Variants in SGSM2 observed in about 807,000 individuals in gnomAD.
SGSM2 encodes the protein small G protein signaling modulator 2.
A neutral mutation model predicts 126.6 loss-of-function variants in SGSM2; 89 were observed. The observed-to-expected ratio is 0.70, with a 90% CI of 0.59 to 0.84. SGSM2 has a LOEUF of 0.84. Ranked by LOEUF, SGSM2 falls within the 40% of genes least tolerant of loss-of-function variation. The probability of loss-of-function intolerance (pLI) is 0.00; values close to 1 mark genes in which losing one functional copy is unlikely to be tolerated. For synonymous variants in SGSM2, 614 were observed against 574.3 expected (o/e 1.07, Z -0.99); for missense variants, 1,404 against 1,416.6 (o/e 0.99, Z 0.14).
intron 19 of SGSM2, 154 bp from the exon 20 acceptor site, chr17:2,376,579 C>A: frequency 1.2e-6 from 1 of 852,428 alleles, no homozygotes; most frequent in South Asian, 1.6e-5. Context: ...GGTTGTTCCC[C>A]GTTGTCTCCC....
chr17:2,373,565 T>G lies in SGSM2; in HGVS notation c.2100+52T>G, dbSNP rs775925699. 5.3e-6 allele frequency: 8 copies of G among 1,510,822 alleles called. No individual in the cohort carries two copies. In the Admixed American group the frequency reaches 1.5e-4, roughly 28 times the overall value. 93.6% of individuals were successfully genotyped at this position (1,510,822 alleles called of 1,614,324 possible). On this transcript the variant is annotated intron_variant, in intron 17 of 23. Transcript: ENST00000268989. Reference sequence around the variant, plus strand: ...GGGGGTCTCGGGGGCCACCCGCGTTTTATGCACAGTGGTCCTGAGCACCAG... The same window carrying G: ...GGGGGTCTCGGGGGCCACCCGCGTTGTATGCACAGTGGTCCTGAGCACCAG...
chr17:2,370,876 C>G (rs372430296), intron 12 of SGSM2, among the ~76,000 whole-genome samples: 4 of 152,016 alleles, frequency 2.6e-5, no homozygotes, highest in East Asian at 1.9e-4. Flanking sequence ...GAGCTGAATC[C>G]GTGAAGGCTG....
Position 2,379,675 on chromosome 17 carries a change from A to C in SGSM2, c.*155A>C. The C allele has an allele frequency of 6.9e-7, 1 of 1,441,588 alleles. No homozygotes were observed. The allele number at this position is 1,441,588 out of a possible 1,614,324, so 89.3% of individuals were successfully genotyped here. ...CTGGATCCGACTCCCGGCAGTGCTG[A>C]CCCTGCAGGGCAAGTCAGGGGCCAG... On this transcript the variant is annotated 3_prime_UTR_variant, in exon 24 of 24. Transcript: ENST00000268989.
At chr17:2,340,232 A>G (rs1047266918) in intron 1 of SGSM2, among the ~76,000 whole-genome samples, 10 of 151,734 alleles carry the variant, frequency 6.6e-5, no homozygotes, top group Non-Finnish European at 1.0e-4. Flanking sequence ...TCCCTGCCTC[A>G]GCCTCCCAAG....
chr17:2,373,470 A>G lies in SGSM2; in HGVS notation c.2057A>G (p.His686Arg). 1 of 1,588,830 alleles carries G rather than the reference A, an allele frequency of 6.3e-7. No individual in the cohort carries two copies. Among genetic ancestry groups the G allele is most frequent in the South Asian group, 1.1e-5 (1 of 89,686 alleles). ...TCCTCAGGCAGCAGCATCGACAGCC[A>G]CGTGCAGCGCCTCATCCACCGAGAC... Reference protein sequence around the residue: ...KFSSGSSIDSHVQRLIHRDST... With the variant: ...KFSSGSSIDSRVQRLIHRDST... Residue 686 changes from histidine (H) to arginine (R), a missense_variant, in exon 17 of 24, where the codon CAC (histidine) becomes CGC (arginine). Physicochemically the swap from His to Arg is conservative, Grantham distance 29 (BLOSUM62 0). Transcript: ENST00000268989.
chr17:2,341,967 C>T (rs1258025916), intron 1 of SGSM2, among the ~76,000 whole-genome samples: 1 of 152,178 alleles, frequency 6.6e-6, no homozygotes, highest in Non-Finnish European at 1.5e-5. Context: ...GTTCACACCA[C>T]GGAGAGTGAA....
intron 2 of SGSM2, among the ~76,000 whole-genome samples, chr17:2,347,061 C>T (rs1226268110): frequency 2.6e-5 from 4 of 152,112 alleles, no homozygotes; most frequent in Non-Finnish European, 5.9e-5. Flanking sequence ...TGCCCTCCAG[C>T]TTGGGCAACA....
chr17:2,375,692 C>T lies in SGSM2; in HGVS notation c.2301C>T (p.Ser767=), dbSNP rs201712136. 5 of 1,613,642 alleles carry T rather than the reference C, an allele frequency of 3.1e-6. No homozygotes were observed. The East Asian group carries it at 6.7e-5, about 22-fold the overall frequency. ...NYSVASGIQS[S]LDEGQSVGFE... ...CCGTGGCCTCGGGCATCCAGTCAAG[C>T]CTAGATGAGGGGCAGAGCGTGGGCT... Residue 767 remains serine, a synonymous_variant, in exon 18 of 24, where the codon AGC becomes AGT. Coordinates refer to ENST00000268989, the MANE Select transcript of SGSM2 (RefSeq NM_014853.3).
At position 2,372,666 on chromosome 17, in the gene SGSM2, C is replaced by T. The variant is rs1404744937; in HGVS notation, c.1788+178C>T. 2.1e-6 allele frequency: 2 copies of T among 965,572 alleles called. No homozygotes were observed. The highest frequency in any genetic ancestry group is 3.4e-5 in the African/African-American group (2 of 59,452). The allele number at this position is 965,572 out of a possible 1,614,324, so 59.8% of individuals were successfully genotyped here. Reference sequence around the variant, plus strand: ...GCCTGGGGCTGACACGGGAAGGGGGCTGGACTGGGAAGCCGTCCTGCCTCC... The same window carrying T: ...GCCTGGGGCTGACACGGGAAGGGGGTTGGACTGGGAAGCCGTCCTGCCTCC... On this transcript the variant is annotated intron_variant, in intron 15 of 23. Coordinates refer to ENST00000268989, the MANE Select transcript of SGSM2 (RefSeq NM_014853.3). This position sits in a 1 kb window ranked among gnomAD's most constrained non-coding sequence, Gnocchi z 6.0.
chr17:2,371,086 C>A (rs2065846623), intron 12 of SGSM2, among the ~76,000 whole-genome samples, 176 bp from the exon 13 acceptor site: 2 of 152,216 alleles, frequency 1.3e-5, no homozygotes, highest in South Asian at 4.1e-4. Context: ...TGTCAGGCGC[C>A]CTCTCTCCCT....
intron 2 of SGSM2, among the ~76,000 whole-genome samples, chr17:2,352,408 G>C (rs1447501853): frequency 6.6e-6 from 1 of 152,206 alleles, no homozygotes; most frequent in East Asian, 1.9e-4. Context: ...GAACTCCCCT[G>C]TCGTGCAGAT....
intron 1 of SGSM2, 40 bp from the exon 2 acceptor site, chr17:2,343,505 G>C (rs1411658002): frequency 6.2e-7 from 1 of 1,603,192 alleles, no homozygotes; most frequent in Admixed American, 1.7e-5. Flanking sequence ...TTTGATAAGG[G>C]AAAATAATAA....
chr17:2,364,340 A>G (rs968632663), intron 8 of SGSM2, 157 bp downstream of exon 8: 2 of 1,035,220 alleles, frequency 1.9e-6, no homozygotes, highest in African/African-American at 3.2e-5. Context: ...GTGATTCCCA[A>G]GCTCTCTAGG....
chr17:2,354,549 C>T (rs1597335385), intron 2 of SGSM2, among the ~76,000 whole-genome samples: 1 of 152,220 alleles, frequency 6.6e-6, no homozygotes, highest in African/African-American at 2.4e-5. Context: ...CACCTGTCCC[C>T]TATTGATGGG....
Position 2,376,719 on chromosome 17 carries a change from C to G in SGSM2, c.2610-14C>G, listed in dbSNP as rs758963380. On this transcript the variant is annotated splice_polypyrimidine_tract_variant and intron_variant, in intron 19 of 23. Coordinates refer to ENST00000268989, the MANE Select transcript of SGSM2 (RefSeq NM_014853.3). ...ATGGGGCACAGCCACAGTGACTCTCCCCCTGCCTTTCAGCTACGTGTGGGA... is the reference window on the plus strand; with the variant it reads ...ATGGGGCACAGCCACAGTGACTCTCGCCCTGCCTTTCAGCTACGTGTGGGA... The G allele has an allele frequency of 1.1e-5, 18 of 1,613,594 alleles. No homozygotes were observed. Among genetic ancestry groups the G allele is most frequent in the Non-Finnish European group, 1.5e-5 (18 of 1,179,796 alleles).
In SGSM2 at chr17:2,362,929, G is replaced by A; in HGVS notation, c.526+24G>A. The A allele has an allele frequency of 6.2e-7, 1 of 1,614,198 alleles. No homozygotes were observed. ...AGGTGAGCCTGAGAGCACAGGCACAGTGGGTACGGGGCAGGTGCTGAGGGA... is the reference window on the plus strand; with the variant it reads ...AGGTGAGCCTGAGAGCACAGGCACAATGGGTACGGGGCAGGTGCTGAGGGA... On this transcript the variant is annotated intron_variant, in intron 5 of 23. Coordinates refer to ENST00000268989, the MANE Select transcript of SGSM2 (RefSeq NM_014853.3). This position sits in a 1 kb window ranked among gnomAD's most constrained non-coding sequence, Gnocchi z 4.9.
At position 2,361,806 on chromosome 17, in the gene SGSM2, C is replaced by A. The variant is rs756142917; in HGVS notation, c.296+7C>A. 5.0e-6 allele frequency: 8 copies of A among 1,592,788 alleles called. No homozygotes were observed. In the South Asian group the frequency reaches 9.0e-5, roughly 18 times the overall value. On this transcript the variant is annotated splice_region_variant and intron_variant, in intron 3 of 23. Transcript: ENST00000268989. ...AGCAACAAGCAGAGGGCAGGTGAGC[C>A]CTGGGCCAGCCCCTTCTTCCCTCCT...
intron 2 of SGSM2, among the ~76,000 whole-genome samples, chr17:2,348,274 C>A (rs922415628): frequency 6.6e-6 from 1 of 152,140 alleles, no homozygotes; most frequent in African/African-American, 2.4e-5. Context: ...GATTTGGACT[C>A]CAGGCAGTCT....
At chr17:2,357,151 G>A (rs1409343695) in intron 2 of SGSM2, among the ~76,000 whole-genome samples, 1 of 152,108 alleles carries the variant, frequency 6.6e-6, no homozygotes, top group African/African-American at 2.4e-5. Flanking sequence ...GCTAGTCTGG[G>A]TCTGTAGTTC....
Sources: gnomAD v4.1 joint callset for allele counts (sites outside exome capture counted in the v4.1 genomes callset) on GRCh38, gnomAD v4.1.1 for gene constraint, Gnocchi (gnomAD v3.1) non-coding constraint, MANE v1.5 for transcripts, NCBI Gene and HGNC (gene_info 2026-07-23, HGNC 2026-07-21) for gene names.